FSTL4: variants seen among roughly 807,000 people sequenced by gnomAD.
FSTL4 encodes follistatin like 4, also known as follistatin-related protein 4.
FSTL4 carries 28 observed loss-of-function variants against 78.2 expected under a neutral mutation model. That is an observed-to-expected ratio of 0.36 (90% CI 0.27 to 0.49). FSTL4 has a LOEUF of 0.49. FSTL4 is among the 20% of genes least tolerant of loss of function. The pLI is 0.98. For missense variants in FSTL4, 922 were observed against 1,084.9 expected (o/e 0.85, Z 2.11); for synonymous variants, 422 against 440.5 (o/e 0.96, Z 0.53).
the FSTL4 span, among the ~76,000 whole-genome samples, chr5:133,836,700 C>T: frequency 0.012 from 1,791 of 151,780 alleles, 42 homozygotes; most frequent in African/African-American, 0.041. Flanking sequence ...AATGTGTCTC[C>T]GAAGTTTTTC....
the FSTL4 span, among the ~76,000 whole-genome samples, chr5:133,836,891 A>G: frequency 1.3e-5 from 2 of 151,454 alleles, no homozygotes; most frequent in Non-Finnish European, 2.9e-5. Flanking sequence ...TTGTTCCTTG[A>G]TTTTCAGTCG....
the FSTL4 span, among the ~76,000 whole-genome samples, chr5:133,671,310 C>T: frequency 4.6e-5 from 7 of 152,108 alleles, no homozygotes; most frequent in South Asian, 8.3e-4. Context: ...TCATTTAGGC[C>T]GCTCAAGTTT....
chr5:133,620,397 A>T, the FSTL4 span, among the ~76,000 whole-genome samples: 2 of 152,154 alleles, frequency 1.3e-5, no homozygotes, highest in Non-Finnish European at 2.9e-5. Flanking sequence ...TCTTTTTAAC[A>T]CTGTTTTTGA....
chr5:133,330,056 G>C (rs1278651912), intron 4 of FSTL4, among the ~76,000 whole-genome samples: 1 of 152,138 alleles, frequency 6.6e-6, no homozygotes. Flanking sequence ...GAATATTCAA[G>C]TTGTCAACAT....
At chr5:133,645,977 A>T in the FSTL4 span, among the ~76,000 whole-genome samples, 1 of 152,206 alleles carries the variant, frequency 6.6e-6, no homozygotes, top group South Asian at 2.1e-4. Flanking sequence ...CAGTTAGTGC[A>T]TTGTGTTATG....
intron 3 of FSTL4, among the ~76,000 whole-genome samples, chr5:133,547,288 C>A (rs1225045455): frequency 1.3e-5 from 2 of 152,150 alleles, no homozygotes; most frequent in South Asian, 2.1e-4. Context: ...CCTGTCCATT[C>A]ATTGTATCTT....
chr5:133,288,863 G>T (rs6891505), intron 6 of FSTL4, among the ~76,000 whole-genome samples: 42,712 of 147,760 alleles, frequency 0.29, 6,653 homozygotes, highest in African/African-American at 0.47. Context: ...TCCACCTTGA[G>T]AATTATTCCT....
the FSTL4 span, among the ~76,000 whole-genome samples, chr5:133,714,937 A>G: frequency 5.9e-5 from 9 of 152,260 alleles, no homozygotes; most frequent in African/African-American, 2.2e-4. Flanking sequence ...GGTCCCCCAG[A>G]CATCCCTTAC....
At chr5:133,469,705 A>G (rs1327496462) in intron 3 of FSTL4, among the ~76,000 whole-genome samples, 1 of 152,204 alleles carries the variant, frequency 6.6e-6, no homozygotes, top group Non-Finnish European at 1.5e-5. Flanking sequence ...AAATTACAAC[A>G]GTAAAGATAG....
At chr5:133,823,011 T>C in the FSTL4 span, among the ~76,000 whole-genome samples, 23 of 152,088 alleles carry the variant, frequency 1.5e-4, no homozygotes, top group Admixed American at 6.5e-4. Context: ...GTTGGGGGCA[T>C]GGGCATGGAA....
In FSTL4 at chr5:133,225,389, C is replaced by CCT; in HGVS notation, c.1178-106_1178-105insAG. On this transcript the variant is annotated intron_variant, in intron 9 of 15. Transcript: ENST00000265342. The surrounding 1 kb of genome is among the most constrained non-coding windows in gnomAD (Gnocchi z 4.6). The stretch of plus-strand genomic sequence containing the variant: ...TAGGGCTGCCCAGCCCCTGGGCAGC[C>CCT]AGCAGCCCTGATTATACGCCCAGGA... The CCT allele has an allele frequency of 7.2e-7, 1 of 1,390,606 alleles. No homozygotes were observed. 86.1% of individuals were successfully genotyped at this position (1,390,606 alleles called of 1,614,324 possible).
the FSTL4 span, among the ~76,000 whole-genome samples, chr5:133,763,106 T>G: frequency 6.6e-6 from 1 of 152,236 alleles, no homozygotes; most frequent in Non-Finnish European, 1.5e-5. Flanking sequence ...CTAGGAATGC[T>G]GAGAACCACT....
At chr5:133,316,344 T>G (rs1287631084) in intron 5 of FSTL4, 115 bp downstream of exon 5, 5 of 746,262 alleles carry the variant, frequency 6.7e-6, no homozygotes, top group Non-Finnish European at 1.1e-5. Context: ...CTCATTTTGT[T>G]TGTGAGATGT....
the FSTL4 span, among the ~76,000 whole-genome samples, chr5:133,827,020 C>T: frequency 6.6e-6 from 1 of 152,238 alleles, no homozygotes; most frequent in African/African-American, 2.4e-5. Context: ...GTGACAGTCC[C>T]GCCCCAGGCC....
chr5:133,826,021 A>G, the FSTL4 span, among the ~76,000 whole-genome samples: 2 of 152,254 alleles, frequency 1.3e-5, no homozygotes, highest in Admixed American at 1.3e-4. Flanking sequence ...AAACACCACC[A>G]ACTTCCTGCC....
chr5:133,725,149 G>A, the FSTL4 span, among the ~76,000 whole-genome samples: 507 of 152,260 alleles, frequency 3.3e-3, 1 homozygote, highest in Non-Finnish European at 5.9e-3. Flanking sequence ...GGTAGTGTAA[G>A]CCCTCCAACA....
the FSTL4 span, among the ~76,000 whole-genome samples, chr5:133,688,361 C>G: frequency 6.6e-6 from 1 of 152,068 alleles, no homozygotes; most frequent in Non-Finnish European, 1.5e-5. Context: ...TGTAGTGATC[C>G]GAGATCACAC....
chr5:133,309,410 G>C (rs892473987), intron 6 of FSTL4, among the ~76,000 whole-genome samples: 1 of 152,244 alleles, frequency 6.6e-6, no homozygotes, highest in African/African-American at 2.4e-5. Context: ...CCTGTACAGA[G>C]AGAGGCAATT....
At chr5:133,573,104 C>G (rs1760196498) in intron 2 of FSTL4, among the ~76,000 whole-genome samples, 1 of 151,864 alleles carries the variant, frequency 6.6e-6, no homozygotes, top group Non-Finnish European at 1.5e-5. Context: ...ATTAGACAGG[C>G]ATGGTGGTGG....
Sources: gnomAD v4.1 joint callset for allele counts (sites outside exome capture counted in the v4.1 genomes callset) on GRCh38, gnomAD v4.1.1 for gene constraint, Gnocchi (gnomAD v3.1) non-coding constraint, MANE v1.5 for transcripts, NCBI Gene and HGNC (gene_info 2026-07-23, HGNC 2026-07-21) for gene names.